Variants in CAPRIN2 observed in about 807,000 individuals in gnomAD.
CAPRIN2 encodes caprin-2.
A neutral mutation model predicts 130.4 loss-of-function variants in CAPRIN2; 66 were observed. The ratio of observed to expected loss-of-function variants is 0.51; its 90% CI spans 0.42 to 0.62. CAPRIN2 has a LOEUF of 0.62. Among genes scored for constraint, CAPRIN2 ranks in the 20% least tolerant of loss-of-function variants. The probability of loss-of-function intolerance (pLI) is 0.00; values close to 1 mark genes in which losing one functional copy is unlikely to be tolerated. For synonymous variants in CAPRIN2, 471 were observed against 444.1 expected (o/e 1.06, Z -0.76); for missense variants, 1,185 against 1,246.6 (o/e 0.95, Z 0.74).
At chr12:30,729,623 G>C (rs2061976603) in intron 7 of CAPRIN2, among the ~76,000 whole-genome samples, 2 of 152,178 alleles carry the variant, frequency 1.3e-5, no homozygotes, top group Non-Finnish European at 2.9e-5. Flanking sequence ...TTCTACCAAG[G>C]CTGTTCCGCC....
At chr12:30,754,687 A>T (rs531417666), upstream of CAPRIN2, 725 of 150,476 alleles carry the variant, frequency 4.8e-3, no homozygotes, top group Non-Finnish European at 7.7e-3. Context: ...AGACCTGCCC[A>T]CCCTCGCCGG....
intron 2 of CAPRIN2, among the ~76,000 whole-genome samples, chr12:30,747,729 G>A (rs560477363): frequency 1.3e-5 from 2 of 151,846 alleles, no homozygotes; most frequent in East Asian, 3.9e-4. Context: ...AGCTGCCATA[G>A]ATAGTGATTT....
At chr12:30,725,486 T>C (rs1263273855) in intron 9 of CAPRIN2, among the ~76,000 whole-genome samples, 1 of 152,218 alleles carries the variant, frequency 6.6e-6, no homozygotes, top group Non-Finnish European at 1.5e-5. Flanking sequence ...TCAAATTCTG[T>C]GTCTGTATCT....
intron 11 of CAPRIN2, among the ~76,000 whole-genome samples, chr12:30,721,352 T>C (rs960176975): frequency 7.2e-6 from 1 of 138,148 alleles, no homozygotes; most frequent in African/African-American, 2.6e-5. Flanking sequence ...CCAGAGATCA[T>C]AGTATAACTG....
intron 4 of CAPRIN2, 135 bp from the exon 6 acceptor site, chr12:30,733,846 T>A: frequency 1.5e-6 from 1 of 650,226 alleles, no homozygotes. Context: ...TCTTTGGAAA[T>A]AAAAAAATTG....
chr12:30,751,905 T>C (rs2074075108), intron 1 of CAPRIN2, among the ~76,000 whole-genome samples: 1 of 130,530 alleles, frequency 7.7e-6, no homozygotes. Context: ...AAACCCACTA[T>C]GGTATTTTTT....
intron 1 of CAPRIN2, 120 bp from the exon 3 acceptor site, chr12:30,751,253 A>C: frequency 5.1e-6 from 4 of 777,310 alleles, no homozygotes; most frequent in East Asian, 2.5e-5. Flanking sequence ...AATCTGCAAG[A>C]CTATCATTTT....
At chr12:30,735,272 T>C (rs571485300) in intron 3 of CAPRIN2, 66 bp from the exon 5 acceptor site, 3 of 1,226,268 alleles carry the variant, frequency 2.4e-6, no homozygotes, top group East Asian at 4.6e-5. Context: ...AATACGTATC[T>C]ACAAAGTCTA....
intron 12 of CAPRIN2, chr12:30,719,103 T>C (rs2058565572): frequency 6.2e-7 from 1 of 1,613,730 alleles, no homozygotes; most frequent in Non-Finnish European, 8.5e-7. Flanking sequence ...GAAAGGGTGC[T>C]GTGTTAATGG....
chr12:30,728,559 A>T, intron 8 of CAPRIN2, 89 bp downstream of exon 9: 1 of 1,166,322 alleles, frequency 8.6e-7, no homozygotes, highest in Non-Finnish European at 1.2e-6. Flanking sequence ...CATCTCAAAA[A>T]AAAAAAAAAA....
Position 30,728,945 on chromosome 12 carries a change from CT to C in CAPRIN2, c.1484del (p.Lys495SerfsTer65). On this transcript the variant is annotated frameshift_variant, in exon 8 of 17. Transcript: ENST00000298892. LOFTEE classifies it high-confidence loss of function. ...CTTTCTGCAGCTGAACTGGCCACAG[CT>C]TTGGTGTCTCCTGTTTCTTTTGTTC... 6.2e-7 allele frequency: 1 copy of C among 1,614,186 alleles called. No individual in the cohort carries two copies. The highest frequency in any genetic ancestry group is 1.1e-5 in the South Asian group (1 of 91,070).
At chr12:30,744,889 A>C (rs1326967287) in intron 2 of CAPRIN2, among the ~76,000 whole-genome samples, 1 of 152,210 alleles carries the variant, frequency 6.6e-6, no homozygotes, top group East Asian at 1.9e-4. Flanking sequence ...AGAGAGCATC[A>C]GATATGGTCA....
chr12:30,743,731 G>T (rs1320266088), intron 2 of CAPRIN2, among the ~76,000 whole-genome samples: 3 of 152,148 alleles, frequency 2.0e-5, no homozygotes, highest in African/African-American at 7.2e-5. Context: ...AATGATGCCT[G>T]ACCCTAATAA....
intron 15 of CAPRIN2, among the ~76,000 whole-genome samples, chr12:30,713,222 A>G (rs1306552547): frequency 6.6e-6 from 1 of 152,218 alleles, no homozygotes; most frequent in Non-Finnish European, 1.5e-5. Flanking sequence ...TCAAATCCGT[A>G]AGTTCCCAAG....
intron 12 of CAPRIN2, among the ~76,000 whole-genome samples, chr12:30,717,199 T>C (rs1481527393): frequency 2.0e-5 from 3 of 152,180 alleles, no homozygotes; most frequent in African/African-American, 4.8e-5. Context: ...TCCCAACAGA[T>C]GAATGGATAA....
intron 15 of CAPRIN2, among the ~76,000 whole-genome samples, chr12:30,712,312 T>C (rs957602091): frequency 1.3e-5 from 2 of 152,218 alleles, no homozygotes; most frequent in Admixed American, 1.3e-4. Flanking sequence ...TCTTACTCCA[T>C]ACTCCCAGTT....
At chr12:30,736,590 A>G (rs2064927724) in intron 3 of CAPRIN2, among the ~76,000 whole-genome samples, 1 of 152,256 alleles carries the variant, frequency 6.6e-6, no homozygotes, top group Admixed American at 6.5e-5. Context: ...AACTTAATAA[A>G]TATGATTTGT....
chr12:30,742,535 A>C (rs1366200896), intron 2 of CAPRIN2, among the ~76,000 whole-genome samples: 1 of 152,164 alleles, frequency 6.6e-6, no homozygotes, highest in Non-Finnish European at 1.5e-5. Flanking sequence ...ATCTATTCAG[A>C]CACTAAAACT....
At chr12:30,717,287 GAAC>G (rs2057922356) in intron 12 of CAPRIN2, among the ~76,000 whole-genome samples, 1 of 152,134 alleles carries the variant, frequency 6.6e-6, no homozygotes, top group African/African-American at 2.4e-5. Context: ...TAACGCAAAT[GAAC>G]TTTGAAAACA....
Sources: allele counts gnomAD v4.1 joint callset (sites outside exome capture counted in the v4.1 genomes callset), GRCh38; gene constraint gnomAD v4.1.1; transcripts MANE v1.5; gene names NCBI Gene and HGNC (gene_info 2026-07-23, HGNC 2026-07-21).